CASP2: variants seen among roughly 807,000 people sequenced by gnomAD.
The protein encoded by CASP2 is caspase 2.
Under a neutral mutation model 54.4 loss-of-function variants are expected in CASP2, and 38 were observed. That is an observed-to-expected ratio of 0.70 (90% CI 0.54 to 0.92). CASP2 has a LOEUF of 0.92. CASP2 is among the 40% of genes least tolerant of loss of function. The pLI is 0.00. For missense variants in CASP2, 512 were observed against 579.6 expected, an observed-to-expected ratio of 0.88 and a Z score of 1.20; for synonymous variants, 215 against 216.3, an observed-to-expected ratio of 0.99 and a Z score of 0.05.
intron 3 of CASP2, 29 bp from the exon 4 acceptor site, chr7:143,292,588 C>T (rs1303455680): frequency 6.2e-7 from 1 of 1,610,300 alleles, no homozygotes. Context: ...TCCCTAAGGT[C>T]TGTCATCATG....
At chr7:143,294,181 T>G (rs564347480) in intron 4 of CASP2, 49 bp from the exon 5 acceptor site, 1 of 974,862 alleles carries the variant, frequency 1.0e-6, no homozygotes, top group East Asian at 2.4e-5. Flanking sequence ...ATATTAAGAT[T>G]GATGGTTAAG....
chr7:143,293,121 T>G (rs759787015), intron 4 of CASP2: 44 of 650,266 alleles, frequency 6.8e-5, no homozygotes, highest in South Asian at 4.3e-4. Flanking sequence ...TTTGTTTTTT[T>G]TTTTTTTTGT....
chr7:143,290,700 A>G (rs531466352), intron 1 of CASP2: 1 of 152,338 alleles, frequency 6.6e-6, no homozygotes, highest in African/African-American at 2.4e-5. Flanking sequence ...GTTCTGGGCT[A>G]TAGTGTGCTA....
Position 143,307,264 on chromosome 7 carries a change from A to C in CASP2, c.*2193A>C, listed in dbSNP as rs1201283705. 1 of 152,238 alleles carries C rather than the reference A, an allele frequency of 6.6e-6. No individual in the cohort carries two copies. The highest frequency in any genetic ancestry group is 1.5e-5 in the Non-Finnish European group (1 of 68,042). 9.4% of individuals were successfully genotyped at this position (152,238 alleles called of 1,614,324 possible). A position where few individuals can be genotyped will look rare whatever the true frequency, so the allele number is the denominator to read the frequency against. On this transcript the variant is annotated 3_prime_UTR_variant, in exon 11 of 11. Transcript: ENST00000310447. ...TTGTTTGTTTTATTCACCATCATGT[A>C]CCAAGTGCTTGGCACATAGTGGGCC... is the stretch of plus-strand genomic sequence containing the variant.
intron 4 of CASP2, chr7:143,293,113 T>G (rs1563061172): frequency 1.6e-6 from 1 of 620,142 alleles, no homozygotes. Context: ...CCCTTTTTTT[T>G]GTTTTTTTTT....
rs941821818 is a variant in CASP2 at position 143,306,484 on chromosome 7, C to G, written c.*1413C>G. Reference sequence around the variant, plus strand: ...ATGTTAGCCGGGATGGTCTTGATCTCCTGACCTCATGATCCACCCACCTCA... The same window carrying G: ...ATGTTAGCCGGGATGGTCTTGATCTGCTGACCTCATGATCCACCCACCTCA... On this transcript the variant is annotated 3_prime_UTR_variant, in exon 11 of 11. Coordinates refer to ENST00000310447, the MANE Select transcript of CASP2 (RefSeq NM_032982.4). 6.6e-6 allele frequency: 1 copy of G among 150,662 alleles called. No homozygotes were observed. Among genetic ancestry groups the G allele is most frequent in the Non-Finnish European group, 1.5e-5 (1 of 67,760 alleles). The allele number at this position is 150,662 out of a possible 1,614,324, so 9.3% of individuals were successfully genotyped here.
At position 143,304,090 on chromosome 7, in the gene CASP2, T is replaced by A. The variant is rs963585332; in HGVS notation, c.1117+157T>A. On this transcript the variant is annotated intron_variant, in intron 9 of 10. Transcript: ENST00000310447. ...TTTTGTTTTTTTGGATTTTGGAATATTTGCGTTATACTTACTAGTTGAGTA... is the reference window on the plus strand; with the variant it reads ...TTTTGTTTTTTTGGATTTTGGAATAATTGCGTTATACTTACTAGTTGAGTA... Among the ~76,000 whole-genome samples, 7 of 152,188 alleles carry A rather than the reference T, an allele frequency of 4.6e-5. No individual in the cohort carries two copies. In the South Asian group the frequency reaches 6.2e-4, roughly 13 times the overall value.
intron 1 of CASP2, chr7:143,289,573 G>A: frequency 1.0e-6 from 1 of 965,140 alleles, no homozygotes; most frequent in Non-Finnish European, 1.2e-6. Context: ...CCCAAAGAAT[G>A]CTGTCATGGA....
At chr7:143,301,938 G>C (rs558461511) in intron 8 of CASP2, 3 of 152,248 alleles carry the variant, frequency 2.0e-5, no homozygotes, top group Non-Finnish European at 4.4e-5. Flanking sequence ...CAGCAAGGTT[G>C]CCATGGAGGG....
chr7:143,299,782 CTCT>C (rs1586465028), intron 6 of CASP2, 138 bp from the exon 7 acceptor site: 2 of 886,820 alleles, frequency 2.3e-6, no homozygotes, highest in East Asian at 2.6e-5. Context: ...CTCAAAAGGT[CTCT>C]TCTTTTATCA....
chr7:143,295,928 G>T (rs1424539383), intron 6 of CASP2, among the ~76,000 whole-genome samples: 1 of 152,220 alleles, frequency 6.6e-6, no homozygotes, highest in East Asian at 1.9e-4. Context: ...AAGGGGCAAA[G>T]GGCAGGGTAC....
intron 8 of CASP2, 145 bp downstream of exon 8, chr7:143,300,439 C>T (rs1801882128): frequency 6.3e-7 from 1 of 1,597,052 alleles, no homozygotes. Flanking sequence ...CTCTCTTGCT[C>T]TGTAAGTGTC....
At chr7:143,288,901 A>G (rs975218260) in intron 1 of CASP2, among the ~76,000 whole-genome samples, 2 of 152,242 alleles carry the variant, frequency 1.3e-5, no homozygotes, top group Non-Finnish European at 2.9e-5. Context: ...CTGTCTCCTT[A>G]AAAATCGACG....
Position 143,305,745 on chromosome 7 carries a change from G to C in CASP2, c.*674G>C, listed in dbSNP as rs1802044915. On this transcript the variant is annotated 3_prime_UTR_variant, in exon 11 of 11. Coordinates refer to ENST00000310447, the MANE Select transcript of CASP2 (RefSeq NM_032982.4). ...TTGCATTTGTACCTTATTGATCTTT[G>C]CCCATGGAAGTCTCAAAGATCTTTC... is the stretch of plus-strand genomic sequence containing the variant. The C allele has an allele frequency of 6.4e-6, 1 of 155,882 alleles. No homozygotes were observed. Among genetic ancestry groups the C allele is most frequent in the South Asian group, 1.9e-4 (1 of 5,202 alleles). 9.7% of individuals were successfully genotyped at this position (155,882 alleles called of 1,614,324 possible).
chr7:143,296,576 T>G (rs1290235896), intron 6 of CASP2, among the ~76,000 whole-genome samples: 1 of 152,146 alleles, frequency 6.6e-6, no homozygotes, highest in Admixed American at 6.5e-5. Context: ...GAACAGTATG[T>G]GGACAAGAAA....
In CASP2 at chr7:143,288,473, G is replaced by A. The variant is rs1246380980; in HGVS notation, c.18G>A (p.Ala6=). 1 of 1,613,210 alleles carries A rather than the reference G, an allele frequency of 6.2e-7. No individual in the cohort carries two copies. Among genetic ancestry groups the A allele is most frequent in the Non-Finnish European group, 8.5e-7 (1 of 1,179,682 alleles). The stretch of plus-strand genomic sequence containing the variant: ...AGCGGGAAATGGCGGCGCCGAGCGC[G>A]GGGTCTTGGTCCACCTTCCAGCACA... The part of the protein sequence containing the change: MAAPS[A]GSWSTFQHKE... Residue 6 remains alanine (A), a synonymous_variant, in exon 1 of 11, where the codon GCG becomes GCA. Coordinates refer to ENST00000310447, the MANE Select transcript of CASP2 (RefSeq NM_032982.4).
chr7:143,294,084 C>T, intron 4 of CASP2, 146 bp from the exon 5 acceptor site: 1 of 664,896 alleles, frequency 1.5e-6, no homozygotes. Context: ...AGAGTCTCTG[C>T]CCTCATGAAG....
chr7:143,303,694 G>A, intron 8 of CASP2, 90 bp from the exon 9 acceptor site: 1 of 1,155,628 alleles, frequency 8.7e-7, no homozygotes, highest in South Asian at 1.3e-5. Context: ...TCCCCTTCAA[G>A]GTTGTAGGGA....
chr7:143,293,036 A>G (rs1259021465), intron 4 of CASP2: 2 of 597,964 alleles, frequency 3.3e-6, no homozygotes, highest in Non-Finnish European at 2.9e-6. Flanking sequence ...ATAAAATAAA[A>G]AGGAGGGGGG....
Sources: allele counts gnomAD v4.1 joint callset (sites outside exome capture counted in the v4.1 genomes callset), GRCh38; gene constraint gnomAD v4.1.1; transcripts MANE v1.5; gene names NCBI Gene and HGNC (gene_info 2026-07-23, HGNC 2026-07-21).